Variants in PHKG2 observed in about 807,000 individuals in gnomAD.
PHKG2 encodes phosphorylase b kinase gamma catalytic chain, liver/testis isoform.
In PHKG2, 28 loss-of-function variants were observed where a neutral mutation model predicts 44.5. The observed-to-expected ratio is 0.63, with a 90% CI of 0.47 to 0.86. The LOEUF is 0.86. Among genes scored for constraint, PHKG2 ranks in the 40% least tolerant of loss-of-function variants. The pLI, the probability that PHKG2 is intolerant of heterozygous loss-of-function variation, is 0.00. For synonymous variants in PHKG2, 220 were observed against 211.2 expected, an observed-to-expected ratio of 1.04 and a Z score of -0.36; for missense variants, 498 against 547.5, an observed-to-expected ratio of 0.91 and a Z score of 0.90.
At chr16:30,755,785 A>AT (rs942026711) in intron 6 of PHKG2, among the ~76,000 whole-genome samples, 8 of 151,600 alleles carry the variant, frequency 5.3e-5, no homozygotes, top group Non-Finnish European at 1.2e-4. Flanking sequence ...AATGCAGAAA[A>AT]TTTTTTTTTG....
chr16:30,756,695 A>C lies in PHKG2; in HGVS notation c.907A>C (p.Thr303Pro), dbSNP rs780358808. Residue 303 changes from threonine (T) to proline (P), a missense_variant, in exon 9 of 10, where the codon ACC becomes CCC. Thr to Pro is a conservative substitution (Grantham distance 38). Transcript: ENST00000563588. ...TGAAGGCAGCCAACCCTGGAACCTC[A>C]CCCCCCGCCAGCGGTTCCGGGTAAG... is the stretch of plus-strand genomic sequence containing the variant. ...RCEGSQPWNLTPRQRFRVAVW... is the reference protein window; with the variant it reads ...RCEGSQPWNLPPRQRFRVAVW... The C allele has an allele frequency of 1.2e-6, 2 of 1,613,100 alleles. No individual in the cohort carries two copies. The highest frequency in any genetic ancestry group is 1.7e-6 in the Non-Finnish European group (2 of 1,179,820).
intron 2 of PHKG2, among the ~76,000 whole-genome samples, chr16:30,749,792 C>A (rs1462575573): frequency 6.6e-6 from 1 of 152,100 alleles, no homozygotes; most frequent in South Asian, 2.1e-4. Context: ...AGAAAAGATG[C>A]GTATGCCCTG....
rs1239257706 is a variant in PHKG2 at position 30,759,284 on chromosome 16, A to T, written c.*2187A>T. ...GGCAGAGGGAGGCTGAAAGGAGTGCACCTGTGCTGAGGGGAGGGGCGGTTG... is the reference window on the plus strand; with the variant it reads ...GGCAGAGGGAGGCTGAAAGGAGTGCTCCTGTGCTGAGGGGAGGGGCGGTTG... On this transcript the variant is annotated 3_prime_UTR_variant, in exon 10 of 10. Coordinates refer to ENST00000563588, the MANE Select transcript of PHKG2 (RefSeq NM_000294.3). 6.2e-7 allele frequency: 1 copy of T among 1,613,648 alleles called. No homozygotes were observed. The highest frequency in any genetic ancestry group is 8.5e-7 in the Non-Finnish European group (1 of 1,179,692).
In PHKG2 at chr16:30,756,886, T is replaced by G. The variant is rs775002634; in HGVS notation, c.1010T>G (p.Leu337Trp). 2.5e-6 allele frequency: 4 copies of G among 1,614,162 alleles called. No individual in the cohort carries two copies. The South Asian group carries it at 4.4e-5, about 18-fold the overall frequency. The stretch of plus-strand genomic sequence containing the variant: ...CGGCCACTGACCAAGAATGCACTGT[T>G]GAGGGACCCTTATGCGCTGCGGTCA... The part of the protein sequence containing the change: ...RVRPLTKNAL[L>W]RDPYALRSVR... Residue 337 changes from leucine to tryptophan, a missense_variant, in exon 10 of 10, where the codon TTG becomes TGG. By Grantham distance (61) the Leu-to-Trp change is moderately conservative. Transcript: ENST00000563588.
In PHKG2 at chr16:30,748,827, C is replaced by T. The variant is rs1190614704; in HGVS notation, c.7C>T (p.Leu3=). The change falls in exon 2 of 10, where the codon CTG becomes TTG. Residue 3 remains leucine, a synonymous_variant. Coordinates refer to ENST00000563588, the MANE Select transcript of PHKG2 (RefSeq NM_000294.3). MT[L]DVGPEDELPD... ...GGCCCCCGCCTCCTTCAGGATGACG[C>T]TGGACGTGGGGCCGGAGGATGAGCT... The T allele has an allele frequency of 3.9e-6, 6 of 1,551,586 alleles. No homozygotes were observed. Among genetic ancestry groups the T allele is most frequent in the South Asian group, 1.2e-5 (1 of 84,104 alleles).
In PHKG2 at chr16:30,751,286, G is replaced by A; in HGVS notation, c.271+5G>A. On this transcript the variant is annotated splice_donor_5th_base_variant and intron_variant, in intron 3 of 9. Transcript: ENST00000563588. ...TCGCCGGCCACCCCCACATCAGTGA[G>A]GCTGTCTTCCTTGCTCCTGTTAGCA... 1 of 1,608,500 alleles carries A rather than the reference G, an allele frequency of 6.2e-7. No homozygotes were observed. Among genetic ancestry groups the A allele is most frequent in the South Asian group, 1.1e-5 (1 of 91,082 alleles).
At position 30,756,203 on chromosome 16, in the gene PHKG2, A is replaced by G; in HGVS notation, c.578A>G (p.Tyr193Cys). The G allele has an allele frequency of 6.2e-7, 1 of 1,614,062 alleles. No individual in the cohort carries two copies. Among genetic ancestry groups the G allele is most frequent in the Non-Finnish European group, 8.5e-7 (1 of 1,179,920 alleles). ...KLRELCGTPG[Y>C]LAPEILKCSM... ...CCAGAGTTGTGTGGGACCCCAGGGT[A>G]TCTAGCGCCAGAGATCCTTAAATGC... Residue 193 changes from tyrosine to cysteine, a missense_variant, in exon 7 of 10, where the codon TAT (tyrosine) becomes TGT (cysteine). Transcript: ENST00000563588.
chr16:30,759,368 G>A lies in PHKG2; in HGVS notation c.*2271G>A, dbSNP rs759831279. 1.9e-6 allele frequency: 3 copies of A among 1,614,264 alleles called. No individual in the cohort carries two copies. Among genetic ancestry groups the A allele is most frequent in the Non-Finnish European group, 2.5e-6 (3 of 1,180,040 alleles). On this transcript the variant is annotated 3_prime_UTR_variant, in exon 10 of 10. Coordinates refer to ENST00000563588, the MANE Select transcript of PHKG2 (RefSeq NM_000294.3). Reference sequence around the variant, plus strand: ...TGGGGTGTGAAGACGTATTTATAGAGCTTGAAGTGGCGGAAGTAAGTGTTG... The same window carrying A: ...TGGGGTGTGAAGACGTATTTATAGAACTTGAAGTGGCGGAAGTAAGTGTTG...
intron 4 of PHKG2, chr16:30,752,875 A>G: frequency 5.5e-6 from 2 of 363,420 alleles, no homozygotes; most frequent in Non-Finnish European, 1.0e-5. Context: ...ATAAGGTCCT[A>G]TTCAACCTTT....
rs35293079 is a variant in PHKG2, at chr16:30,759,333, AC to A, written c.*2241del. ...TGAGGGTGGCTCCTCATGGTCCACC[AC>A]CCCCTACCTGGGGTGTGAAGACGTA... On this transcript the variant is annotated 3_prime_UTR_variant, in exon 10 of 10. Coordinates refer to ENST00000563588, the MANE Select transcript of PHKG2 (RefSeq NM_000294.3). The A allele has an allele frequency of 3.1e-6, 5 of 1,613,062 alleles. No homozygotes were observed. The highest frequency in any genetic ancestry group is 4.2e-6 in the Non-Finnish European group (5 of 1,179,170).
Position 30,759,716 on chromosome 16 carries a change from AG to A in PHKG2, c.*2624del, listed in dbSNP as rs993045106. 1 of 1,609,750 alleles carries A rather than the reference AG, an allele frequency of 6.2e-7. No individual in the cohort carries two copies. Among genetic ancestry groups the A allele is most frequent in the South Asian group, 1.1e-5 (1 of 90,682 alleles). ...CGGTAGCACTCCTCCACGTTGCCCA[AG>A]GGGGTTGCTGGTAGGGAAAGCAAGA... On this transcript the variant is annotated 3_prime_UTR_variant, in exon 10 of 10. Transcript: ENST00000563588.
chr16:30,760,924 G>A lies in PHKG2; in HGVS notation c.*3827G>A. ...CACTACCTTGTATGACCTTGGTCAAGTACTCCCTGTGGCCCTCAGTGTCCC... is the reference window on the plus strand; with the variant it reads ...CACTACCTTGTATGACCTTGGTCAAATACTCCCTGTGGCCCTCAGTGTCCC... On this transcript the variant is annotated 3_prime_UTR_variant, in exon 10 of 10. Coordinates refer to ENST00000563588, the MANE Select transcript of PHKG2 (RefSeq NM_000294.3). 1.6e-6 allele frequency: 1 copy of A among 611,872 alleles called. No homozygotes were observed. The highest frequency in any genetic ancestry group is 2.9e-6 in the Non-Finnish European group (1 of 346,582). 37.9% of individuals were successfully genotyped at this position (611,872 alleles called of 1,614,324 possible). A position where few individuals can be genotyped will look rare whatever the true frequency, so the allele number is the denominator to read the frequency against.
chr16:30,748,805 C>T lies in PHKG2; in HGVS notation c.-16C>T, dbSNP rs1163147284. On this transcript the variant is annotated splice_region_variant and 5_prime_UTR_variant, in exon 2 of 10. Coordinates refer to ENST00000563588, the MANE Select transcript of PHKG2 (RefSeq NM_000294.3). Reference sequence around the variant, plus strand: ...CACTGCCCTCCTCCTCCGCGCAGGCCCCCGCCTCCTTCAGGATGACGCTGG... The same window carrying T: ...CACTGCCCTCCTCCTCCGCGCAGGCTCCCGCCTCCTTCAGGATGACGCTGG... 1 of 1,545,590 alleles carries T rather than the reference C, an allele frequency of 6.5e-7. No individual in the cohort carries two copies. Among genetic ancestry groups the T allele is most frequent in the Non-Finnish European group, 8.8e-7 (1 of 1,142,016 alleles).
chr16:30,756,862 G>T lies in PHKG2; in HGVS notation c.986G>T (p.Arg329Leu), dbSNP rs200724536. 9.9e-6 allele frequency: 16 copies of T among 1,613,994 alleles called. No individual in the cohort carries two copies. The highest frequency in any genetic ancestry group is 1.3e-5 in the African/African-American group (1 of 74,910). ...GTGGCCCTAAGCACCCATCGTGTAC[G>T]GCCACTGACCAAGAATGCACTGTTG... ...GRVALSTHRV[R>L]PLTKNALLRD... Residue 329 changes from arginine to leucine, a missense_variant, in exon 10 of 10, where the codon CGG (arginine) becomes CTG (leucine). Arg to Leu is a moderately radical substitution (Grantham distance 102). Coordinates refer to ENST00000563588, the MANE Select transcript of PHKG2 (RefSeq NM_000294.3).
rs376526217 is a variant in PHKG2 at position 30,756,734 on chromosome 16, G to T, written c.927+19G>T. 26 of 1,614,032 alleles carry T rather than the reference G, an allele frequency of 1.6e-5. No individual in the cohort carries two copies. In the African/African-American group the frequency reaches 3.3e-4, roughly 21 times the overall value. On this transcript the variant is annotated intron_variant, in intron 9 of 9. Coordinates refer to ENST00000563588, the MANE Select transcript of PHKG2 (RefSeq NM_000294.3). ...GTTCCGGGTAAGCCTGAGTGTATCA[G>T]GGTCTGGGCCCGTTTCTCTGTCCCA...
rs1485664175 is a variant in PHKG2, at chr16:30,753,246, A to T, written c.341A>T (p.Glu114Val). 6.2e-7 allele frequency: 1 copy of T among 1,613,794 alleles called. No individual in the cohort carries two copies. Among genetic ancestry groups the T allele is most frequent in the South Asian group, 1.1e-5 (1 of 91,054 alleles). ...CCTTCCCTTAGGATGCGGAAGGGAG[A>T]GCTGTTTGACTATCTCACAGAGAAG... Reference protein sequence around the residue: ...FLVFDLMRKGELFDYLTEKVA... With the variant: ...FLVFDLMRKGVLFDYLTEKVA... The change falls in exon 5 of 10, where the codon GAG becomes GTG. Residue 114 changes from glutamate (E) to valine (V), a missense_variant. By Grantham distance (121) the Glu-to-Val change is moderately radical. Coordinates refer to ENST00000563588, the MANE Select transcript of PHKG2 (RefSeq NM_000294.3).
In PHKG2 at chr16:30,757,349, C is replaced by T. The variant is rs1479654159; in HGVS notation, c.*252C>T. 2 of 1,531,044 alleles carry T rather than the reference C, an allele frequency of 1.3e-6. No individual in the cohort carries two copies. Among genetic ancestry groups the T allele is most frequent in the African/African-American group, 1.4e-5 (1 of 72,348 alleles). 94.8% of individuals were successfully genotyped at this position (1,531,044 alleles called of 1,614,324 possible). A position where few individuals can be genotyped will look rare whatever the true frequency, so the allele number is the denominator to read the frequency against. On this transcript the variant is annotated 3_prime_UTR_variant, in exon 10 of 10. Coordinates refer to ENST00000563588, the MANE Select transcript of PHKG2 (RefSeq NM_000294.3). ...TGCACTGCATATGAAATAAAATCTGCTACACGCCAGGGAGAACAGGTGTCC... is the reference window on the plus strand; with the variant it reads ...TGCACTGCATATGAAATAAAATCTGTTACACGCCAGGGAGAACAGGTGTCC...
At chr16:30,754,487 A>G (rs1043800411) in intron 6 of PHKG2, among the ~76,000 whole-genome samples, 1 of 152,138 alleles carries the variant, frequency 6.6e-6, no homozygotes, top group Non-Finnish European at 1.5e-5. Flanking sequence ...TATATGGCTT[A>G]TTCCCCTAAA....
In PHKG2 at chr16:30,759,687, G is replaced by T; in HGVS notation, c.*2590G>T. The T allele has an allele frequency of 6.2e-7, 1 of 1,613,888 alleles. No individual in the cohort carries two copies. The highest frequency in any genetic ancestry group is 1.3e-5 in the African/African-American group (1 of 75,066). On this transcript the variant is annotated 3_prime_UTR_variant, in exon 10 of 10. Coordinates refer to ENST00000563588, the MANE Select transcript of PHKG2 (RefSeq NM_000294.3). Reference sequence around the variant, plus strand: ...CATGGCAAAAAAGGACACTGGTGAAGTAGCGGTAGCACTCCTCCACGTTGC... The same window carrying T: ...CATGGCAAAAAAGGACACTGGTGAATTAGCGGTAGCACTCCTCCACGTTGC...
Sources: gnomAD v4.1 joint callset for allele counts (sites outside exome capture counted in the v4.1 genomes callset) on GRCh38, gnomAD v4.1.1 for gene constraint, MANE v1.5 for transcripts, NCBI Gene and HGNC (gene_info 2026-07-23, HGNC 2026-07-21) for gene names.